FGF16: variants seen among roughly 807,000 people sequenced by gnomAD.
FGF16 encodes the protein fibroblast growth factor 16, also known as metacarpal 4-5 fusion.
A neutral mutation model predicts 8.5 loss-of-function variants in FGF16; 2 were observed. That is an observed-to-expected ratio of 0.24 (90% CI 0.10 to 0.75). The LOEUF is 0.75. FGF16 is among the 30% of genes least tolerant of loss of function. FGF16 has a pLI of 0.74. For missense variants in FGF16, 79 were observed against 87.4 expected (o/e 0.90, Z 0.38); for synonymous variants, 33 against 34.6 (o/e 0.95, Z 0.16).
intron 1 of FGF16, 44 bp from the exon 2 acceptor site, chrX:77,454,113 A>T: frequency 1.1e-6 from 1 of 871,937 alleles, no homozygotes; most frequent in Non-Finnish European, 1.7e-6. Context: ...GCTTTCTCTT[A>T]GTTTGATGCT....
intron 2 of FGF16, among the ~76,000 whole-genome samples, chrX:77,455,453 T>G (rs1200980072): frequency 4.5e-5 from 5 of 111,985 alleles, no homozygotes; most frequent in Admixed American, 2.8e-4. Context: ...CAGCTAGGAC[T>G]AGGCTAGCGG....
chrX:77,448,286 A>G (rs1197814455), intron 1 of FGF16, among the ~76,000 whole-genome samples: 1 of 112,692 alleles, frequency 8.9e-6, no homozygotes, highest in Non-Finnish European at 1.9e-5. Flanking sequence ...GCTCTCGCCT[A>G]GGAGGCCGGG....
chrX:77,451,043 G>A (rs1218194836), intron 1 of FGF16, among the ~76,000 whole-genome samples: 1 of 112,049 alleles, frequency 8.9e-6, no homozygotes, highest in Admixed American at 9.4e-5. Flanking sequence ...CCATCATCAT[G>A]TGCCACTGGG....
chrX:77,449,850 T>G (rs1339224574), intron 1 of FGF16, among the ~76,000 whole-genome samples: 1 of 112,186 alleles, frequency 8.9e-6, no homozygotes, highest in Non-Finnish European at 1.9e-5. Context: ...TTTTTGGTTT[T>G]GCCTTTGAAA....
chrX:77,449,905 T>G (rs782019929), intron 1 of FGF16, among the ~76,000 whole-genome samples: 1 of 112,320 alleles, frequency 8.9e-6, no homozygotes, highest in African/African-American at 3.2e-5. Context: ...CACCTTTTCC[T>G]TTTCCTCCTT....
At chrX:77,454,884 C>T (rs1425187266) in intron 2 of FGF16, among the ~76,000 whole-genome samples, 12 of 102,055 alleles carry the variant, frequency 1.2e-4, no homozygotes, top group Non-Finnish European at 2.2e-4. Flanking sequence ...GCAACCTCCA[C>T]CTCCCCTGTT....
intron 1 of FGF16, among the ~76,000 whole-genome samples, chrX:77,449,255 T>A (rs782144724): frequency 2.5e-4 from 28 of 111,062 alleles, no homozygotes; most frequent in Middle Eastern, 4.7e-3. Context: ...CTTGGAAAAA[T>A]GCACTCAAAC....
chrX:77,447,544 G>A lies in FGF16; in HGVS notation c.-131G>A, dbSNP rs1161700764. On this transcript the variant is annotated 5_prime_UTR_variant, in exon 1 of 3. Transcript: ENST00000439435. ...CGTCGACTGCAGCTCGGCAGAGCGCGGAGCAAGCGAGCTAGCGAGGGAGCG... is the reference window on the plus strand; with the variant it reads ...CGTCGACTGCAGCTCGGCAGAGCGCAGAGCAAGCGAGCTAGCGAGGGAGCG... 3.5e-6 allele frequency: 1 copy of A among 285,761 alleles called. No homozygotes were observed. Among genetic ancestry groups the A allele is most frequent in the Non-Finnish European group, 6.1e-6 (1 of 162,761 alleles). 23.5% of individuals were successfully genotyped at this position (285,761 alleles called of 1,213,427 possible). A position where few individuals can be genotyped will look rare whatever the true frequency, so the allele number is the denominator to read the frequency against.
chrX:77,454,773 G>A (rs1378340402), intron 2 of FGF16, among the ~76,000 whole-genome samples: 2 of 101,982 alleles, frequency 2.0e-5, no homozygotes, highest in African/African-American at 7.3e-5. Flanking sequence ...CACTCATTTG[G>A]CCCCCACCAA....
At chrX:77,453,129 GC>G (rs782570683) in intron 1 of FGF16, among the ~76,000 whole-genome samples, 15 of 111,557 alleles carry the variant, frequency 1.3e-4, no homozygotes, top group Non-Finnish European at 2.6e-4. Flanking sequence ...AAGAAAGACA[GC>G]CAGATATGAG....
At chrX:77,449,175 A>G (rs1557026485) in intron 1 of FGF16, among the ~76,000 whole-genome samples, 1 of 111,905 alleles carries the variant, frequency 8.9e-6, no homozygotes, top group African/African-American at 3.3e-5. Flanking sequence ...CAAGCCTAGC[A>G]AACAACTTAG....
At chrX:77,451,641 C>T (rs2147426093) in intron 1 of FGF16, among the ~76,000 whole-genome samples, 1 of 112,277 alleles carries the variant, frequency 8.9e-6, no homozygotes, top group South Asian at 3.8e-4. Flanking sequence ...GTTACCAGAC[C>T]TGTATCAGTG....
At chrX:77,453,075 C>T (rs781917242) in intron 1 of FGF16, among the ~76,000 whole-genome samples, 1 of 111,127 alleles carries the variant, frequency 9.0e-6, no homozygotes, top group African/African-American at 3.3e-5. Flanking sequence ...GAGATCCTGT[C>T]TCAAAAAACA....
chrX:77,454,388 C>T (rs1281871038), intron 2 of FGF16, 128 bp downstream of exon 2: 6 of 389,856 alleles, frequency 1.5e-5, no homozygotes, highest in Admixed American at 1.2e-4. Context: ...TGGTGGCTCA[C>T]GCCTGTAATC....
chrX:77,456,128 A>G (rs1488913442), intron 2 of FGF16, 149 bp from the exon 3 acceptor site: 4 of 512,727 alleles, frequency 7.8e-6, no homozygotes, highest in Admixed American at 6.5e-5. Context: ...TGCTATTTGG[A>G]AGAAAGTTAC....
At chrX:77,456,098 A>G in intron 2 of FGF16, among the ~76,000 whole-genome samples, 179 bp from the exon 3 acceptor site, 1 of 112,431 alleles carries the variant, frequency 8.9e-6, no homozygotes, top group South Asian at 3.7e-4. Flanking sequence ...AATGAAGGAG[A>G]TACAGACAAG....
chrX:77,454,654 C>CAA (rs1268701156), intron 2 of FGF16, among the ~76,000 whole-genome samples: 1 of 94,767 alleles, frequency 1.1e-5, no homozygotes, highest in African/African-American at 3.9e-5. Context: ...GACTCCATCT[C>CAA]AAAAAAAAAA....
At chrX:77,448,226 T>C (rs1295557580) in intron 1 of FGF16, among the ~76,000 whole-genome samples, 6 of 113,014 alleles carry the variant, frequency 5.3e-5, no homozygotes, top group Admixed American at 9.2e-5. Flanking sequence ...TTCTGGGAGC[T>C]GGACTCTAAG....
At chrX:77,448,165 G>T (rs2062546668) in intron 1 of FGF16, among the ~76,000 whole-genome samples, 1 of 113,352 alleles carries the variant, frequency 8.8e-6, no homozygotes, top group African/African-American at 3.2e-5. Context: ...CTTGCGGTGG[G>T]GCCTCTCCTT....
Sources: allele counts gnomAD v4.1 joint callset (sites outside exome capture counted in the v4.1 genomes callset), GRCh38; gene constraint gnomAD v4.1.1; transcripts MANE v1.5; gene names NCBI Gene and HGNC (gene_info 2026-07-23, HGNC 2026-07-21).